ECHDC2: variants seen among roughly 807,000 people sequenced by gnomAD.
The protein encoded by ECHDC2 is enoyl-CoA hydratase domain containing 2.
Under a neutral mutation model 40.6 loss-of-function variants are expected in ECHDC2, and 34 were observed. The ratio of observed to expected loss-of-function variants is 0.84; its 90% CI spans 0.64 to 1.11. The LOEUF (loss-of-function observed/expected upper bound fraction) is 1.11. Ranked by LOEUF, ECHDC2 falls within the 50% of genes most tolerant of loss-of-function variation. The pLI is 0.00. For synonymous variants in ECHDC2, 162 were observed against 166.6 expected, an observed-to-expected ratio of 0.97 and a Z score of 0.21; for missense variants, 392 against 400.7, an observed-to-expected ratio of 0.98 and a Z score of 0.19.
intron 7 of ECHDC2, 125 bp downstream of exon 7, chr1:52,904,521 A>G (rs2150045814): frequency 6.9e-6 from 6 of 866,346 alleles, no homozygotes; most frequent in South Asian, 4.4e-5. Context: ...TGGTTAAACA[A>G]ACTCCAAAGA....
intron 5 of ECHDC2, 21 bp downstream of exon 5, chr1:52,906,498 C>A (rs1489150148): frequency 6.3e-7 from 1 of 1,588,616 alleles, no homozygotes; most frequent in Non-Finnish European, 8.6e-7. Flanking sequence ...CCACCCCCTG[C>A]CCCCAGTCCT....
At chr1:52,907,531 G>A (rs560333325) in intron 4 of ECHDC2, 2 of 265,184 alleles carry the variant, frequency 7.5e-6, no homozygotes, top group Non-Finnish European at 1.4e-5. Flanking sequence ...GGGCTTGAAG[G>A]ACAAGTAAAA....
Position 52,911,595 on chromosome 1 carries a change from C to T in ECHDC2, c.248G>A (p.Arg83Lys), listed in dbSNP as rs1649509416. Residue 83 changes from arginine (R) to lysine (K), a missense_variant, in exon 3 of 10, where the codon AGA (arginine) becomes AAA (lysine). Physicochemically the swap from Arg to Lys is conservative, Grantham distance 26. Coordinates refer to ENST00000371522, the MANE Select transcript of ECHDC2 (RefSeq NM_001198961.2). ...ACAGAACACGCCCTTCACTCCACTT[C>T]TGAAGAGCAGGACACGCACTTGCCG... ...EDRQVRVLLF[R>K]SGVKGVFCAG... 2 of 1,614,020 alleles carry T rather than the reference C, an allele frequency of 1.2e-6. No individual in the cohort carries two copies. Among genetic ancestry groups the T allele is most frequent in the Non-Finnish European group, 1.7e-6 (2 of 1,179,954 alleles).
At chr1:52,912,592 G>A (rs1055133443) in intron 1 of ECHDC2, among the ~76,000 whole-genome samples, 3 of 152,014 alleles carry the variant, frequency 2.0e-5, no homozygotes, top group African/African-American at 7.2e-5. Context: ...CCCAAATCAA[G>A]AAATAGAACT....
intron 7 of ECHDC2, chr1:52,899,519 T>A: frequency 2.3e-6 from 1 of 425,714 alleles, no homozygotes; most frequent in Non-Finnish European, 4.3e-6. Context: ...CACAGACTCA[T>A]CTAATGGTGC....
At chr1:52,912,698 CCT>C (rs1649830995) in intron 1 of ECHDC2, 1 of 152,088 alleles carries the variant, frequency 6.6e-6, no homozygotes, top group African/African-American at 2.4e-5. Context: ...ATAGTAATCA[CCT>C]CTGTGTATTT....
Position 52,904,698 on chromosome 1 carries a change from CCCT to C in ECHDC2, c.647_649del (p.Glu216del), listed in dbSNP as rs773645513. The C allele has an allele frequency of 8.1e-6, 13 of 1,611,926 alleles. No individual in the cohort carries two copies. The East Asian group carries it at 1.3e-4, about 17-fold the overall frequency. ...TCGTGCCCGCTGGTAGGCGGCGTCC[CCCT>C]CCTCGTTCTGGGCCACAGCGTGATT... On this transcript the variant is annotated inframe_deletion, in exon 7 of 10. Coordinates refer to ENST00000371522, the MANE Select transcript of ECHDC2 (RefSeq NM_001198961.2).
chr1:52,913,005 AC>A lies in ECHDC2; in HGVS notation c.122-1216del, dbSNP rs1571982956. 3 of 152,218 alleles carry A rather than the reference AC, an allele frequency of 2.0e-5. No homozygotes were observed. In the East Asian group the frequency reaches 5.8e-4, roughly 29 times the overall value. 9.4% of individuals were successfully genotyped at this position (152,218 alleles called of 1,614,324 possible). A position where few individuals can be genotyped will look rare whatever the true frequency, so the allele number is the denominator to read the frequency against. ...CCGGCCATTTCTTTATAATTTTATC[AC>A]CCAGGTGTGCATCCTTAGGTATCAT... On this transcript the variant is annotated intron_variant, in intron 1 of 9. Transcript: ENST00000371522.
rs757347862 is a variant in ECHDC2, at chr1:52,911,755, G to A, written c.157C>T (p.Arg53Cys). The A allele has an allele frequency of 2.2e-5, 36 of 1,613,858 alleles. No homozygotes were observed. The Admixed American group carries it at 2.7e-4, about 12-fold the overall frequency. ...TEILMNRPSA[R>C]NALGNVFVSE... ...ACGAAGACATTCCCCAAGGCATTGC[G>A]GGCAGAAGGTCTGTTCATCAGAATC... is the stretch of plus-strand genomic sequence containing the variant. The change falls in exon 2 of 10, where the codon CGC becomes TGC. Residue 53 changes from arginine (R) to cysteine (C), a missense_variant. Coordinates refer to ENST00000371522, the MANE Select transcript of ECHDC2 (RefSeq NM_001198961.2).
chr1:52,904,906 T>C, intron 6 of ECHDC2, 73 bp from the exon 7 acceptor site: 2 of 1,595,666 alleles, frequency 1.3e-6, no homozygotes, highest in Non-Finnish European at 1.7e-6. Context: ...AGCCTGGGAC[T>C]CAGCCAAGAC....
At chr1:52,900,326 A>T (rs1309385624) in intron 7 of ECHDC2, 1 of 152,240 alleles carries the variant, frequency 6.6e-6, no homozygotes, top group Non-Finnish European at 1.5e-5. Flanking sequence ...CAATTTGGCA[A>T]AAACTGGCAA....
intron 1 of ECHDC2, among the ~76,000 whole-genome samples, chr1:52,915,618 G>A (rs72897370): frequency 0.017 from 2,575 of 152,248 alleles, 44 homozygotes; most frequent in African/African-American, 0.057. Flanking sequence ...TGGATAGAGA[G>A]ATGCCAGATC....
At chr1:52,918,795 G>C (rs964254006) in intron 1 of ECHDC2, among the ~76,000 whole-genome samples, 8 of 152,136 alleles carry the variant, frequency 5.3e-5, no homozygotes, top group Non-Finnish European at 1.2e-4. Flanking sequence ...TGTAGCCTAG[G>C]TGTACAGTGT....
Position 52,898,947 on chromosome 1 carries a change from C to T in ECHDC2, c.753+227G>A, listed in dbSNP as rs562507192. On this transcript the variant is annotated intron_variant, in intron 8 of 9. Coordinates refer to ENST00000371522, the MANE Select transcript of ECHDC2 (RefSeq NM_001198961.2). ...ATTTACCCTTTCTTAACCTCAATCT[C>T]ATCCTCTCTCCAAGGGAGAAAGATG... 8 of 609,408 alleles carry T rather than the reference C, an allele frequency of 1.3e-5. No individual in the cohort carries two copies. The South Asian group carries it at 1.3e-4, about 10-fold the overall frequency. The allele number at this position is 609,408 out of a possible 1,614,324, so 37.8% of individuals were successfully genotyped here.
At chr1:52,919,264 C>T (rs745405568) in intron 1 of ECHDC2, among the ~76,000 whole-genome samples, 11 of 152,184 alleles carry the variant, frequency 7.2e-5, no homozygotes, top group Non-Finnish European at 1.0e-4. Context: ...AGCTTCCAGT[C>T]CTGCAAGCTC....
chr1:52,912,084 CTGT>C lies in ECHDC2; in HGVS notation c.122-297_122-295del, dbSNP rs748438684. Reference sequence around the variant, plus strand: ...CCACAGTAGCCCTTGCCTGCTTCTGCTGTTGTTAGACAGACAGACACACACACA... The same window carrying C: ...CCACAGTAGCCCTTGCCTGCTTCTGCTGTTAGACAGACAGACACACACACA... On this transcript the variant is annotated intron_variant, in intron 1 of 9. Coordinates refer to ENST00000371522, the MANE Select transcript of ECHDC2 (RefSeq NM_001198961.2). The C allele has an allele frequency of 3.1e-5, 42 of 1,342,314 alleles. No homozygotes were observed. The African/African-American group carries it at 4.8e-4, about 15-fold the overall frequency. 83.2% of individuals were successfully genotyped at this position (1,342,314 alleles called of 1,614,324 possible). A position where few individuals can be genotyped will look rare whatever the true frequency, so the allele number is the denominator to read the frequency against.
At chr1:52,910,146 T>C (rs937124818) in intron 3 of ECHDC2, among the ~76,000 whole-genome samples, 4 of 151,928 alleles carry the variant, frequency 2.6e-5, no homozygotes, top group Non-Finnish European at 4.4e-5. Flanking sequence ...CAAAGTACCA[T>C]AGAGGTTACC....
At chr1:52,902,748 C>G (rs1389002127) in intron 7 of ECHDC2, among the ~76,000 whole-genome samples, 1 of 151,896 alleles carries the variant, frequency 6.6e-6, no homozygotes, top group Non-Finnish European at 1.5e-5. Context: ...TCTTAAAATA[C>G]CTTTTTTATA....
intron 4 of ECHDC2, chr1:52,907,460 T>C (rs955449855): frequency 5.4e-6 from 1 of 184,436 alleles, no homozygotes; most frequent in Non-Finnish European, 1.1e-5. Flanking sequence ...GGATCATCAG[T>C]GCTCCAATAA....
Sources: gnomAD v4.1 joint callset for allele counts (sites outside exome capture counted in the v4.1 genomes callset) on GRCh38, gnomAD v4.1.1 for gene constraint, MANE v1.5 for transcripts, NCBI Gene and HGNC (gene_info 2026-07-23, HGNC 2026-07-21) for gene names.